KCNQ1: variants seen among roughly 807,000 people sequenced by gnomAD.
The protein encoded by KCNQ1 is potassium voltage-gated channel subfamily Q member 1, also known as potassium voltage-gated channel subfamily KQT member 1.
In KCNQ1, 49 loss-of-function variants were observed where a neutral mutation model predicts 72.4. That is an observed-to-expected ratio of 0.68 (90% CI 0.54 to 0.86). KCNQ1 has a LOEUF of 0.86. Among genes scored for constraint, KCNQ1 ranks in the 40% least tolerant of loss-of-function variants. The pLI is 0.00. For missense variants in KCNQ1, 790 were observed against 945.1 expected (o/e 0.84, Z 2.15); for synonymous variants, 450 against 412.6 (o/e 1.09, Z -1.10).
chr11:2,807,392 A>T (rs1368509211), intron 15 of KCNQ1, among the ~76,000 whole-genome samples: 1 of 151,936 alleles, frequency 6.6e-6, no homozygotes, highest in Non-Finnish European at 1.5e-5. Flanking sequence ...CCGGGAGGGG[A>T]CCCTCCATGG....
At chr11:2,490,191 G>A (rs1411681164) in intron 1 of KCNQ1, among the ~76,000 whole-genome samples, 1 of 152,014 alleles carries the variant, frequency 6.6e-6, no homozygotes, top group Non-Finnish European at 1.5e-5. Flanking sequence ...TTTGCCTATG[G>A]AAAGGAGAAG....
intron 2 of KCNQ1, among the ~76,000 whole-genome samples, chr11:2,554,953 C>T (rs1292121537): frequency 6.6e-6 from 1 of 152,214 alleles, no homozygotes; most frequent in Non-Finnish European, 1.5e-5. Context: ...GAGTGAGGTA[C>T]TCAGCAGTCA....
In KCNQ1 at chr11:2,498,829, G is replaced by A. The variant is rs934967136; in HGVS notation, c.387-29099G>A. On this transcript the variant is annotated intron_variant, in intron 1 of 15. Coordinates refer to ENST00000155840, the MANE Select transcript of KCNQ1 (RefSeq NM_000218.3). The surrounding 1 kb of genome is among the most constrained non-coding windows in gnomAD (Gnocchi z 4.8). ...CCTGGTGGTATAGGCACATGAAGGA[G>A]TCTCCTGATCTGCAGATTGCAAAAC... Among the ~76,000 whole-genome samples, 1 of 152,236 alleles carries A rather than the reference G, an allele frequency of 6.6e-6. No individual in the cohort carries two copies. Among genetic ancestry groups the A allele is most frequent in the Non-Finnish European group, 1.5e-5 (1 of 68,036 alleles).
At position 2,642,661 on chromosome 11, in the gene KCNQ1, G is replaced by A. The variant is rs756852; in HGVS notation, c.1394-19300G>A. On this transcript the variant is annotated intron_variant, in intron 10 of 15. Coordinates refer to ENST00000155840, the MANE Select transcript of KCNQ1 (RefSeq NM_000218.3). This position sits in a 1 kb window ranked among gnomAD's most constrained non-coding sequence, Gnocchi z 4.3. ...TTATATTTATTTAGTTTCTTGTTTA[G>A]TTCTGCTCTGATCTTCGTTATTTCT... The A allele has an allele frequency of 0.31, 124,809 of 397,368 alleles. 23,088 individuals carry two copies. The highest frequency in any genetic ancestry group is 0.4 in the Non-Finnish European group (90,513 of 225,528). The allele number at this position is 397,368 out of a possible 1,614,324, so 24.6% of individuals were successfully genotyped here.
intron 2 of KCNQ1, 150 bp downstream of exon 2, chr11:2,528,168 C>T (rs1010288389): frequency 2.7e-6 from 2 of 744,048 alleles, no homozygotes; most frequent in Admixed American, 4.0e-5. Context: ...GGCACCTCCC[C>T]AGCCCCCACA....
Position 2,551,355 on chromosome 11 carries a change from C to T in KCNQ1, c.478-19273C>T, listed in dbSNP as rs759172171. Among the ~76,000 whole-genome samples, 37 of 152,340 alleles carry T rather than the reference C, an allele frequency of 2.4e-4. 1 individual carries two copies. The highest frequency in any genetic ancestry group is 1.0e-3 in the Admixed American group (16 of 15,308). ...CCAGAACGTCATGTGAATGGAATCT[C>T]GCGGCGTGTAGCCTCTGCGCCTGGC... On this transcript the variant is annotated intron_variant, in intron 2 of 15. Coordinates refer to ENST00000155840, the MANE Select transcript of KCNQ1 (RefSeq NM_000218.3).
At chr11:2,791,158 C>CAG (rs930088407) in intron 15 of KCNQ1, among the ~76,000 whole-genome samples, 1 of 152,354 alleles carries the variant, frequency 6.6e-6, no homozygotes, top group Admixed American at 6.5e-5. Context: ...GCAACTGCTT[C>CAG]AGAGAGAGGC....
In KCNQ1 at chr11:2,822,769, G is replaced by T. The variant is rs150960505; in HGVS notation, c.1795-24998G>T. 5.2e-3 allele frequency among the ~76,000 whole-genome samples: 790 copies of T among 152,260 alleles called. 10 individuals carry two copies. The highest frequency in any genetic ancestry group is 0.018 in the African/African-American group (755 of 41,528). ...AGGGGCTCAGCTCAGAACAGGGGGA[G>T]CCCCAAAGGATGTGAGGCAAGGGAG... is the stretch of plus-strand genomic sequence containing the variant. On this transcript the variant is annotated intron_variant, in intron 15 of 15. Transcript: ENST00000155840.
At chr11:2,793,746 A>G (rs1214680514) in intron 15 of KCNQ1, among the ~76,000 whole-genome samples, 1 of 152,232 alleles carries the variant, frequency 6.6e-6, no homozygotes. Context: ...CACTGTGGGC[A>G]TTTATTCATT....
chr11:2,679,727 A>G lies in KCNQ1; in HGVS notation c.1514+17646A>G. 1 of 398,562 alleles carries G rather than the reference A, an allele frequency of 2.5e-6. No individual in the cohort carries two copies. Among genetic ancestry groups the G allele is most frequent in the Non-Finnish European group, 4.4e-6 (1 of 226,056 alleles). The allele number at this position is 398,562 out of a possible 1,614,324, so 24.7% of individuals were successfully genotyped here. A position where few individuals can be genotyped will look rare whatever the true frequency, so the allele number is the denominator to read the frequency against. Reference sequence around the variant, plus strand: ...AGCCGTTCTCTGTATTCTTGTCCAGATGCTGTGGACAGTGATGATGGGAAA... The same window carrying G: ...AGCCGTTCTCTGTATTCTTGTCCAGGTGCTGTGGACAGTGATGATGGGAAA... On this transcript the variant is annotated intron_variant, in intron 11 of 15. Coordinates refer to ENST00000155840, the MANE Select transcript of KCNQ1 (RefSeq NM_000218.3). This position sits in a 1 kb window ranked among gnomAD's most constrained non-coding sequence, Gnocchi z 4.8.
chr11:2,491,385 A>G lies in KCNQ1; in HGVS notation c.387-36543A>G, dbSNP rs548548867. ...ATTCAGAATTCTATCAGATAAATTT[A>G]ATAAAGAGATTAAAATAAGAATCAA... On this transcript the variant is annotated intron_variant, in intron 1 of 15. Transcript: ENST00000155840. This position sits in a 1 kb window ranked among gnomAD's most constrained non-coding sequence, Gnocchi z 4.1. Among the ~76,000 whole-genome samples, 2 of 152,352 alleles carry G rather than the reference A, an allele frequency of 1.3e-5. No homozygotes were observed. The highest frequency in any genetic ancestry group is 6.5e-5 in the Admixed American group (1 of 15,296).
chr11:2,748,976 G>A lies in KCNQ1; in HGVS notation c.1515-19868G>A, dbSNP rs1018621503. Among the ~76,000 whole-genome samples the A allele has an allele frequency of 6.6e-6, 1 of 152,242 alleles. No individual in the cohort carries two copies. The highest frequency in any genetic ancestry group is 2.4e-5 in the African/African-American group (1 of 41,468). On this transcript the variant is annotated intron_variant, in intron 11 of 15. Transcript: ENST00000155840. This position sits in a 1 kb window ranked among gnomAD's most constrained non-coding sequence, Gnocchi z 6.2. ...GCCTTTGACGTGAGCTATTCAAAAT[G>A]GCGGGAGGGGCGAGGCCTCTGGAGC...
intron 1 of KCNQ1, among the ~76,000 whole-genome samples, chr11:2,487,845 T>A (rs1379907182): frequency 6.6e-6 from 1 of 152,158 alleles, no homozygotes; most frequent in Admixed American, 6.5e-5. Flanking sequence ...CCATTCTGGA[T>A]GCCTTTTATT....
intron 2 of KCNQ1, among the ~76,000 whole-genome samples, chr11:2,535,707 G>C (rs891902612): frequency 6.6e-6 from 1 of 152,234 alleles, no homozygotes; most frequent in Admixed American, 6.5e-5. Flanking sequence ...ACCTGAGAGA[G>C]GGCGGTCAGG....
chr11:2,511,479 TGGCCTGGGA>T (rs2133616179), intron 1 of KCNQ1, among the ~76,000 whole-genome samples: 1 of 152,248 alleles, frequency 6.6e-6, no homozygotes, highest in Non-Finnish European at 1.5e-5. Context: ...GGTCAGTCTG[TGGCCTGGGA>T]GTCCACCCTC....
At chr11:2,610,715 G>A (rs1258113004) in intron 10 of KCNQ1, 2 of 332,336 alleles carry the variant, frequency 6.0e-6, no homozygotes, top group African/African-American at 6.4e-5. Flanking sequence ...TTCTTGGTTG[G>A]CTTTTTTTTT....
At chr11:2,665,580 G>C (rs1850052586) in intron 11 of KCNQ1, 1 of 395,596 alleles carries the variant, frequency 2.5e-6, no homozygotes, top group African/African-American at 2.1e-5. Flanking sequence ...TCTTTCCAAC[G>C]TCTGCTCAGT....
In KCNQ1 at chr11:2,703,855, A is replaced by G. The variant is rs1850862184; in HGVS notation, c.1514+41774A>G. 6.6e-6 allele frequency among the ~76,000 whole-genome samples: 1 copy of G among 152,210 alleles called. No individual in the cohort carries two copies. Among genetic ancestry groups the G allele is most frequent in the Non-Finnish European group, 1.5e-5 (1 of 68,038 alleles). On this transcript the variant is annotated intron_variant, in intron 11 of 15. Transcript: ENST00000155840. This position sits in a 1 kb window ranked among gnomAD's most constrained non-coding sequence, Gnocchi z 6.4. ...GGTGGAACCATCTTCAGACCCAGCC[A>G]GGTTCCCAAGTTGCTGCTTCCCTCG...
chr11:2,653,940 A>T lies in KCNQ1; in HGVS notation c.1394-8021A>T, dbSNP rs1349489441. ...CCAGAAGCCAGGCCTGGCTGCTGGC[A>T]GGCAAAAACAACAGGTGTCCACTCA... On this transcript the variant is annotated intron_variant, in intron 10 of 15. Transcript: ENST00000155840. The surrounding 1 kb of genome is among the most constrained non-coding windows in gnomAD (Gnocchi z 5.3). 3 of 398,580 alleles carry T rather than the reference A, an allele frequency of 7.5e-6. No homozygotes were observed. The highest frequency in any genetic ancestry group is 1.3e-5 in the Non-Finnish European group (3 of 226,126). 24.7% of individuals were successfully genotyped at this position (398,580 alleles called of 1,614,324 possible). A position where few individuals can be genotyped will look rare whatever the true frequency, so the allele number is the denominator to read the frequency against.
Sources: gnomAD v4.1 joint callset for allele counts (sites outside exome capture counted in the v4.1 genomes callset) on GRCh38, gnomAD v4.1.1 for gene constraint, Gnocchi (gnomAD v3.1) non-coding constraint, MANE v1.5 for transcripts, NCBI Gene and HGNC (gene_info 2026-07-23, HGNC 2026-07-21) for gene names.